SPTA1: variants seen among roughly 807,000 people sequenced by gnomAD.
SPTA1 encodes the protein spectrin alpha, erythrocytic 1.
In SPTA1, 177 loss-of-function variants were observed where a neutral mutation model predicts 324.7. The observed-to-expected ratio is 0.55, with a 90% confidence interval of 0.48 to 0.62. SPTA1 has a LOEUF of 0.62. Ranked by LOEUF, SPTA1 falls within the 20% of genes least tolerant of loss-of-function variation. SPTA1 has a pLI of 0.00. For synonymous variants in SPTA1, 1,195 were observed against 1,041.3 expected (o/e 1.15, Z -2.84); for missense variants, 3,162 against 2,883.6 (o/e 1.10, Z -2.21).
At chr1:158,636,169 G>GA in intron 37 of SPTA1, 135 bp from the exon 38 acceptor site, 1 of 1,468,330 alleles carries the variant, frequency 6.8e-7, no homozygotes, top group South Asian at 1.2e-5. Flanking sequence ...TGAGGGTCCT[G>GA]AAAGTCCAGG....
intron 27 of SPTA1, 64 bp from the exon 28 acceptor site, chr1:158,645,658 C>T: frequency 6.5e-7 from 1 of 1,539,862 alleles, no homozygotes; most frequent in Non-Finnish European, 9.0e-7. Context: ...TGCTGTTTGT[C>T]CTACAGTTTT....
Position 158,625,271 on chromosome 1 carries a change from T to A in SPTA1, c.5910+875A>T, listed in dbSNP as rs556562171. Among the ~76,000 whole-genome samples the A allele has an allele frequency of 7.9e-5, 12 of 152,294 alleles. No homozygotes were observed. In the South Asian group the frequency reaches 2.5e-3, roughly 32 times the overall value. On this transcript the variant is annotated intron_variant, in intron 42 of 51. Transcript: ENST00000643759. ...AAAGTACACTTTAAATCAAGAAATGTAATTCAAGATAAAGAGGAACATTTT... is the reference window on the plus strand; with the variant it reads ...AAAGTACACTTTAAATCAAGAAATGAAATTCAAGATAAAGAGGAACATTTT...
At chr1:158,679,441 A>C (rs1191801195) in intron 5 of SPTA1, among the ~76,000 whole-genome samples, 1 of 152,178 alleles carries the variant, frequency 6.6e-6, no homozygotes, top group African/African-American at 2.4e-5. Context: ...AAGTAGCAGA[A>C]GTAATTTTCT....
rs367644017 is a variant in SPTA1 at position 158,634,664 on chromosome 1, A to C, written c.5444T>G (p.Leu1815Trp). ...TTGCAAGTATTCTAGGGATTCTTCC[A>C]ACTTAAGTCCTCTATAACAAGGTGG... ...KELAKARGLK[L>W]EESLEYLQFM... The change falls in exon 39 of 52, where the codon TTG (leucine) becomes TGG (tryptophan). Residue 1815 changes from leucine (L) to tryptophan (W), a missense_variant. Leu to Trp is a moderately conservative substitution (Grantham distance 61). Transcript: ENST00000643759. The C allele has an allele frequency of 5.8e-5, 93 of 1,613,982 alleles. No homozygotes were observed. Among genetic ancestry groups the C allele is most frequent in the Non-Finnish European group, 7.9e-5 (93 of 1,180,028 alleles).
At chr1:158,669,923 T>C in intron 12 of SPTA1, 137 bp from the exon 13 acceptor site, 1 of 801,500 alleles carries the variant, frequency 1.2e-6, no homozygotes, top group South Asian at 1.4e-5. Context: ...TGTAAGTCCT[T>C]ATTCAGGTTT....
At chr1:158,652,108 A>G (rs1269634191) in intron 23 of SPTA1, among the ~76,000 whole-genome samples, 1 of 152,132 alleles carries the variant, frequency 6.6e-6, no homozygotes, top group Non-Finnish European at 1.5e-5. Context: ...CTTCCACCCC[A>G]AACTCTGCCC....
At chr1:158,679,840 A>G (rs1654671508) in intron 5 of SPTA1, among the ~76,000 whole-genome samples, 1 of 152,156 alleles carries the variant, frequency 6.6e-6, no homozygotes, top group South Asian at 2.1e-4. Flanking sequence ...TTTAGAAACT[A>G]CTGGAAATAT....
chr1:158,636,142 A>C (rs922482076), intron 37 of SPTA1, 108 bp from the exon 38 acceptor site: 1 of 1,587,968 alleles, frequency 6.3e-7, no homozygotes, highest in African/African-American at 1.3e-5. Flanking sequence ...ATTATTTATA[A>C]ACTCCACGGG....
In SPTA1 at chr1:158,647,557, A is replaced by T; in HGVS notation, c.3878T>A (p.Leu1293Gln). The T allele has an allele frequency of 2.5e-6, 4 of 1,613,516 alleles. No homozygotes were observed. The highest frequency in any genetic ancestry group is 3.4e-6 in the Non-Finnish European group (4 of 1,179,858). Residue 1293 changes from leucine (L) to glutamine (Q), a missense_variant, in exon 27 of 52, where the codon CTG becomes CAG. Transcript: ENST00000643759. ...ACTCTACCTGGCCTTGCTGAGGAACAGGTAGAATTTCTGGGCCTCATTTAG... is the reference window on the plus strand; with the variant it reads ...ACTCTACCTGGCCTTGCTGAGGAACTGGTAGAATTTCTGGGCCTCATTTAG... ...ESLNEAQKFY[L>Q]FLSKARDLQN...
chr1:158,678,802 T>C (rs1214813036), intron 5 of SPTA1, among the ~76,000 whole-genome samples: 2 of 152,124 alleles, frequency 1.3e-5, no homozygotes, highest in Non-Finnish European at 2.9e-5. Flanking sequence ...GCCCTGATGT[T>C]ATTTTTAGAG....
At chr1:158,668,159 G>T in intron 14 of SPTA1, 97 bp from the exon 15 acceptor site, 1 of 1,314,884 alleles carries the variant, frequency 7.6e-7, no homozygotes. Flanking sequence ...TAAATCTAAC[G>T]AACGATGCTA....
rs146375927 is a variant in SPTA1, at chr1:158,686,664, G to A, written c.-147C>T. 1 of 663,278 alleles carries A rather than the reference G, an allele frequency of 1.5e-6. No homozygotes were observed. Among genetic ancestry groups the A allele is most frequent in the Non-Finnish European group, 2.7e-6 (1 of 376,228 alleles). The allele number at this position is 663,278 out of a possible 1,614,324, so 41.1% of individuals were successfully genotyped here. Reference sequence around the variant, plus strand: ...GGGGAAAAAAAAAAACCTCTTGCTTGGTCCTAGAATCCCATCAGCCATACA... The same window carrying A: ...GGGGAAAAAAAAAAACCTCTTGCTTAGTCCTAGAATCCCATCAGCCATACA... On this transcript the variant is annotated 5_prime_UTR_variant, in exon 1 of 52. Transcript: ENST00000643759.
In SPTA1 at chr1:158,615,232, G is replaced by C. The variant is rs368355710; in HGVS notation, c.6772C>G (p.Gln2258Glu). ...CCTCAATACTTGGCCTGGATCTGTT[G>C]CTCCAGGTTGTGTTGCATCCGCAAC... is the stretch of plus-strand genomic sequence containing the variant. ...LGLRMQHNLE[Q>E]QIQAKDIKGV... The change falls in exon 48 of 52, where the codon CAA (glutamine) becomes GAA (glutamate). Residue 2258 changes from glutamine (Q) to glutamate (E), a missense_variant. By Grantham distance (29) the Gln-to-Glu change is conservative. Transcript: ENST00000643759. 3 of 1,613,382 alleles carry C rather than the reference G, an allele frequency of 1.9e-6. No homozygotes were observed. In the South Asian group the frequency reaches 3.3e-5, roughly 18 times the overall value.
chr1:158,635,315 C>T (rs188807081), intron 38 of SPTA1, among the ~76,000 whole-genome samples: 9 of 152,022 alleles, frequency 5.9e-5, no homozygotes, highest in East Asian at 1.9e-4. Flanking sequence ...GCACTCTCCC[C>T]GCCCCCGCCC....
intron 17 of SPTA1, among the ~76,000 whole-genome samples, chr1:158,662,231 C>T (rs1653271070): frequency 6.6e-6 from 1 of 152,134 alleles, no homozygotes; most frequent in Non-Finnish European, 1.5e-5. Flanking sequence ...TTTTTCTCTG[C>T]CTCAGTATAA....
intron 41 of SPTA1, among the ~76,000 whole-genome samples, chr1:158,626,551 C>A (rs185486483): frequency 6.6e-6 from 1 of 152,268 alleles, no homozygotes; most frequent in African/African-American, 2.4e-5. Flanking sequence ...TTCCCTTTCT[C>A]AATGTCACAC....
intron 51 of SPTA1, chr1:158,611,752 A>G (rs548078005): frequency 1.9e-4 from 47 of 250,096 alleles, no homozygotes; most frequent in Non-Finnish European, 2.9e-4. Context: ...TTTTATGAGT[A>G]AGGTAAAATA....
Position 158,626,112 on chromosome 1 carries a change from G to A in SPTA1, c.5910+34C>T, listed in dbSNP as rs1401055857. 10 of 1,585,354 alleles carry A rather than the reference G, an allele frequency of 6.3e-6. No individual in the cohort carries two copies. The Admixed American group carries it at 1.3e-4, about 21-fold the overall frequency. On this transcript the variant is annotated intron_variant, in intron 42 of 51. Coordinates refer to ENST00000643759, the MANE Select transcript of SPTA1 (RefSeq NM_003126.4). Reference sequence around the variant, plus strand: ...GGAGGATGAGCTTCTGTGTGAATCAGGTCTTGGGCTTACCTAACATCTATC... The same window carrying A: ...GGAGGATGAGCTTCTGTGTGAATCAAGTCTTGGGCTTACCTAACATCTATC...
rs1033469553 is a variant in SPTA1, at chr1:158,674,255, A to T, written c.1350+74T>A. On this transcript the variant is annotated intron_variant, in intron 10 of 51. Transcript: ENST00000643759. ...TCTATTCTTTTCCCATTTAGAGATT[A>T]TCATATTATTGTGAGATTATGTAAT... The T allele has an allele frequency of 8.6e-6, 12 of 1,398,144 alleles. No individual in the cohort carries two copies. In the Admixed American group the frequency reaches 1.7e-4, roughly 20 times the overall value. The allele number at this position is 1,398,144 out of a possible 1,614,324, so 86.6% of individuals were successfully genotyped here.
Sources: allele counts gnomAD v4.1 joint callset (sites outside exome capture counted in the v4.1 genomes callset), GRCh38; gene constraint gnomAD v4.1.1; transcripts MANE v1.5; gene names NCBI Gene and HGNC (gene_info 2026-07-23, HGNC 2026-07-21).